The following CDH13 variants were observed in gnomAD, a reference collection of about 807,000 sequenced individuals.
The protein encoded by CDH13 is cadherin-13.
A neutral mutation model predicts 63.8 loss-of-function variants in CDH13; 24 were observed. That is an observed-to-expected ratio of 0.38 (90% CI 0.27 to 0.53). CDH13 has a LOEUF of 0.53. Ranked by LOEUF, CDH13 falls within the 20% of genes least tolerant of loss-of-function variation. CDH13 has a pLI of 0.85. For synonymous variants in CDH13, 503 were observed against 355.3 expected (o/e 1.42, Z -4.67); for missense variants, 1,049 against 903.1 (o/e 1.16, Z -2.07).
chr16:82,701,143 AT>A (rs1306394983), intron 1 of CDH13, among the ~76,000 whole-genome samples: 1 of 151,878 alleles, frequency 6.6e-6, no homozygotes, highest in Non-Finnish European at 1.5e-5. Flanking sequence ...CTTCTGAGTA[AT>A]TTTTTATTTC....
chr16:83,051,822 A>G (rs2030369975), intron 3 of CDH13, among the ~76,000 whole-genome samples: 1 of 152,246 alleles, frequency 6.6e-6, no homozygotes, highest in African/African-American at 2.4e-5. Context: ...TCCCTGTAGG[A>G]AACAGACCGA....
intron 1 of CDH13, among the ~76,000 whole-genome samples, chr16:82,662,652 C>G (rs1276673748): frequency 6.6e-6 from 1 of 152,182 alleles, no homozygotes; most frequent in Non-Finnish European, 1.5e-5. Context: ...AACAAATGCG[C>G]TTTATAATTA....
Position 83,678,285 on chromosome 16 carries a change from C to A in CDH13, c.1362C>A (p.Val454=). Residue 454 remains valine, a synonymous_variant, in exon 10 of 14, where the codon GTC becomes GTA. Transcript: ENST00000567109. ...VENEDPLVPD[V]SYGPSSTATV... Reference sequence around the variant, plus strand: ...ATGAAGACCCACTCGTACCCGACGTCTCCTACGGCCCCAGCTCCACAGCCA... The same window carrying A: ...ATGAAGACCCACTCGTACCCGACGTATCCTACGGCCCCAGCTCCACAGCCA... 1 of 1,614,022 alleles carries A rather than the reference C, an allele frequency of 6.2e-7. No individual in the cohort carries two copies. The highest frequency in any genetic ancestry group is 8.5e-7 in the Non-Finnish European group (1 of 1,179,902).
Position 83,132,451 on chromosome 16 carries a change from C to CG in CDH13, c.483+6950_483+6951insG, listed in dbSNP as rs1208222729. Among the ~76,000 whole-genome samples, 453 of 101,712 alleles carry CG rather than the reference C, an allele frequency of 4.5e-3. 5 individuals are homozygous for CG. Among genetic ancestry groups the CG allele is most frequent in the African/African-American group, 0.016 (388 of 24,544 alleles). The allele number at this position is 101,712 out of a possible 152,430, so 66.7% of individuals were successfully genotyped here. Reference sequence around the variant, plus strand: ...CCCCCACCCACCCCCCAACACCCCCCCCTTTTTTTTTTTTTGAGACAGAGT... The same window carrying CG: ...CCCCCACCCACCCCCCAACACCCCCCGCCTTTTTTTTTTTTTGAGACAGAGT... On this transcript the variant is annotated intron_variant, in intron 4 of 13. Transcript: ENST00000567109.
At chr16:82,952,443 C>A (rs7186594) in intron 2 of CDH13, among the ~76,000 whole-genome samples, 44,751 of 151,860 alleles carry the variant, frequency 0.29, 6,724 homozygotes, top group Admixed American at 0.35. Context: ...GCATTCATGC[C>A]CGTAAGTTAT....
chr16:83,603,144 C>T (rs1364577062), intron 8 of CDH13, among the ~76,000 whole-genome samples: 1 of 152,070 alleles, frequency 6.6e-6, no homozygotes, highest in Non-Finnish European at 1.5e-5. Flanking sequence ...TCCAAGGGAG[C>T]GATGTTTGGG....
At chr16:83,524,806 T>A (rs912095376) in intron 7 of CDH13, among the ~76,000 whole-genome samples, 1 of 152,118 alleles carries the variant, frequency 6.6e-6, no homozygotes, top group African/African-American at 2.4e-5. Flanking sequence ...GGCAAACCTG[T>A]AGCACTGAGA....
chr16:82,889,942 T>C (rs539267733), intron 2 of CDH13, among the ~76,000 whole-genome samples: 42 of 152,240 alleles, frequency 2.8e-4, no homozygotes, highest in Non-Finnish European at 8.8e-5. Context: ...CAGACCTCCA[T>C]AGGTAATACA....
intron 2 of CDH13, among the ~76,000 whole-genome samples, chr16:82,999,628 A>T (rs1027060003): frequency 6.6e-6 from 1 of 152,210 alleles, no homozygotes; most frequent in African/African-American, 2.4e-5. Flanking sequence ...AATTGATATC[A>T]TTGGCTACAT....
At chr16:83,054,534 A>G (rs1050696466) in intron 3 of CDH13, among the ~76,000 whole-genome samples, 6 of 152,206 alleles carry the variant, frequency 3.9e-5, no homozygotes, top group African/African-American at 1.4e-4. Flanking sequence ...ACAGCAGGAT[A>G]TTTAGTCACA....
chr16:83,209,679 AAG>A (rs1567508453), intron 4 of CDH13, among the ~76,000 whole-genome samples: 1 of 152,134 alleles, frequency 6.6e-6, no homozygotes. Context: ...GGGAATGTGA[AAG>A]AGAATAAGAA....
At chr16:82,849,302 C>T (rs1401320332) in intron 1 of CDH13, among the ~76,000 whole-genome samples, 1 of 152,084 alleles carries the variant, frequency 6.6e-6, no homozygotes, top group African/African-American at 2.4e-5. Context: ...AGGAGAGCAA[C>T]ACCATCCTGG....
chr16:83,431,531 A>C (rs576389046), intron 6 of CDH13, among the ~76,000 whole-genome samples: 3 of 152,184 alleles, frequency 2.0e-5, no homozygotes, highest in African/African-American at 7.2e-5. Context: ...ATTTATAAAA[A>C]ATTTTTTAAA....
At chr16:83,320,213 CTT>C (rs113647238) in intron 5 of CDH13, among the ~76,000 whole-genome samples, 10,404 of 145,888 alleles carry the variant, frequency 0.071, 507 homozygotes, top group Non-Finnish European at 0.11. Flanking sequence ...ATAATTGTTC[CTT>C]TTTTTTTTTT....
chr16:82,760,194 G>C (rs916791514), intron 1 of CDH13, among the ~76,000 whole-genome samples: 1 of 152,162 alleles, frequency 6.6e-6, no homozygotes, highest in Admixed American at 6.5e-5. Flanking sequence ...ATCTGTGCCA[G>C]TTAGACATAA....
chr16:83,741,102 G>A (rs1471926600), intron 10 of CDH13, among the ~76,000 whole-genome samples: 1 of 152,222 alleles, frequency 6.6e-6, no homozygotes, highest in Non-Finnish European at 1.5e-5. Flanking sequence ...GTGATGGGCT[G>A]TGACTGTCTA....
chr16:83,017,791 C>T (rs960917815), intron 2 of CDH13, among the ~76,000 whole-genome samples: 6 of 152,160 alleles, frequency 3.9e-5, no homozygotes, highest in African/African-American at 1.4e-4. Context: ...TATGAACCAA[C>T]ACGCTTTGAT....
chr16:82,904,498 G>A (rs1191615540), intron 2 of CDH13, among the ~76,000 whole-genome samples: 1 of 152,180 alleles, frequency 6.6e-6, no homozygotes, highest in African/African-American at 2.4e-5. Context: ...TGAGACGGGG[G>A]AAAACTATTA....
intron 7 of CDH13, among the ~76,000 whole-genome samples, chr16:83,579,220 C>T (rs1251070374): frequency 6.6e-6 from 1 of 152,192 alleles, no homozygotes; most frequent in South Asian, 2.1e-4. Flanking sequence ...GAGATCCTGG[C>T]TGGACTAGGG....
Sources: allele counts gnomAD v4.1 joint callset (sites outside exome capture counted in the v4.1 genomes callset), GRCh38; gene constraint gnomAD v4.1.1; transcripts MANE v1.5; gene names NCBI Gene and HGNC (gene_info 2026-07-23, HGNC 2026-07-21).